GALK2: variants seen among roughly 807,000 people sequenced by gnomAD.
GALK2 encodes galactokinase 2.
GALK2 carries 36 observed loss-of-function variants against 52.4 expected under a neutral mutation model. The observed-to-expected ratio is 0.69, with a 90% CI of 0.53 to 0.91. The LOEUF (loss-of-function observed/expected upper bound fraction) is 0.91. Among genes scored for constraint, GALK2 ranks in the 40% least tolerant of loss-of-function variants. The probability of loss-of-function intolerance (pLI) is 0.00; values close to 1 mark genes in which losing one functional copy is unlikely to be tolerated. For missense variants in GALK2, 579 were observed against 559.1 expected, an observed-to-expected ratio of 1.04 and a Z score of -0.36; for synonymous variants, 176 against 199.1, an observed-to-expected ratio of 0.88 and a Z score of 0.98.
chr15:49,210,118 A>C (rs906576933), intron 2 of GALK2, among the ~76,000 whole-genome samples: 1 of 152,164 alleles, frequency 6.6e-6, no homozygotes, highest in Non-Finnish European at 1.5e-5. Context: ...ATTTGTTGGC[A>C]TAATAGTTGT....
chr15:49,212,393 G>A (rs1168594709), intron 2 of GALK2, among the ~76,000 whole-genome samples: 2 of 152,134 alleles, frequency 1.3e-5, no homozygotes, highest in Non-Finnish European at 2.9e-5. Flanking sequence ...AGTGCACCTG[G>A]CCTCTTTTTT....
At chr15:49,312,723 T>A (rs2036095391) in intron 8 of GALK2, among the ~76,000 whole-genome samples, 1 of 152,222 alleles carries the variant, frequency 6.6e-6, no homozygotes, top group Admixed American at 6.5e-5. Context: ...TAGTGGACCC[T>A]CAACAATGTG....
chr15:49,191,654 A>C (rs1003832160), intron 1 of GALK2, among the ~76,000 whole-genome samples: 1 of 152,194 alleles, frequency 6.6e-6, no homozygotes, highest in Non-Finnish European at 1.5e-5. Context: ...GTTAACCTAA[A>C]TCACTTAAGG....
At chr15:49,338,612 G>A (rs1047378632) in intron 3 of GALK2, among the ~76,000 whole-genome samples, 2 of 152,110 alleles carry the variant, frequency 1.3e-5, no homozygotes, top group African/African-American at 4.8e-5. Flanking sequence ...TCTTGGGGTT[G>A]CTCTTTTTGA....
In GALK2 at chr15:49,205,121, C is replaced by T. The variant is rs370297200; in HGVS notation, c.142+3871C>T. ...GATTGATGGGCATTTGGGTTGGTTC[C>T]GCGATTGGGTTGGTTCCATAATACC... On this transcript the variant is annotated intron_variant, in intron 2 of 9. Transcript: ENST00000560031. Among the ~76,000 whole-genome samples, 5 of 152,200 alleles carry T rather than the reference C, an allele frequency of 3.3e-5. No individual in the cohort carries two copies. In the East Asian group the frequency reaches 5.8e-4, roughly 18 times the overall value.
intron 6 of GALK2, among the ~76,000 whole-genome samples, 196 bp from the exon 7 acceptor site, chr15:49,283,370 C>G (rs1390056199): frequency 6.6e-6 from 1 of 152,182 alleles, no homozygotes; most frequent in East Asian, 1.9e-4. Flanking sequence ...ATTGCGGGCT[C>G]TATGAGAGGA....
intron 3 of GALK2, among the ~76,000 whole-genome samples, chr15:49,229,269 G>C (rs959130025): frequency 2.6e-5 from 4 of 152,172 alleles, no homozygotes; most frequent in African/African-American, 9.7e-5. Flanking sequence ...CAGTGACTTA[G>C]GATATGGTTG....
intron 1 of GALK2, among the ~76,000 whole-genome samples, chr15:49,192,485 G>GTGTGTATATA (rs1360198549): frequency 8.7e-5 from 9 of 102,976 alleles, no homozygotes; most frequent in African/African-American, 2.4e-4. Flanking sequence ...ATATATATAT[G>GTGTGTATATA]TATATATATA....
chr15:49,192,494 T>TGTATATATATAC lies in GALK2; in HGVS notation c.54-8668_54-8667insGTATATATATAC, dbSNP rs1555400564. Among the ~76,000 whole-genome samples, 19 of 27,696 alleles carry TGTATATATATAC rather than the reference T, an allele frequency of 6.9e-4. No individual in the cohort carries two copies. The East Asian group carries it at 0.028, about 41-fold the overall frequency. 18.2% of individuals were successfully genotyped at this position (27,696 alleles called of 152,430 possible). Reference sequence around the variant, plus strand: ...AATATTATATATATATGTATATATATATATATATATATATATATATATATA... The same window carrying TGTATATATATAC: ...AATATTATATATATATGTATATATATGTATATATATACATATATATATATATATATATATATA... On this transcript the variant is annotated intron_variant, in intron 1 of 9. Coordinates refer to ENST00000560031, the MANE Select transcript of GALK2 (RefSeq NM_002044.4).
chr15:49,316,971 T>C (rs1567055633), intron 8 of GALK2, among the ~76,000 whole-genome samples: 1 of 152,036 alleles, frequency 6.6e-6, no homozygotes, highest in South Asian at 2.1e-4. Context: ...TTGGGGCTGA[T>C]AGTAGGGTGG....
At position 49,331,541 on chromosome 15, in the gene GALK2, AG is replaced by A; in HGVS notation, c.*3383del. 1 of 435,114 alleles carries A rather than the reference AG, an allele frequency of 2.3e-6. No homozygotes were observed. Among genetic ancestry groups the A allele is most frequent in the Non-Finnish European group, 4.1e-6 (1 of 245,888 alleles). The allele number at this position is 435,114 out of a possible 1,614,324, so 27.0% of individuals were successfully genotyped here. ...ATTCTAACTGCATTTGGAGCTTTTC[AG>A]TTACATAAACTGTTCCTGGTCAGAA... is the stretch of plus-strand genomic sequence containing the variant. On this transcript the variant is annotated 3_prime_UTR_variant, in exon 10 of 10. Coordinates refer to ENST00000560031, the MANE Select transcript of GALK2 (RefSeq NM_002044.4).
chr15:49,232,333 G>A (rs948621514), intron 3 of GALK2, among the ~76,000 whole-genome samples: 1 of 152,198 alleles, frequency 6.6e-6, no homozygotes, highest in Non-Finnish European at 1.5e-5. Flanking sequence ...GCAGTGTCTT[G>A]AGCCTGTGCA....
At chr15:49,160,089 C>T (rs892149367) in intron 1 of GALK2, among the ~76,000 whole-genome samples, 4 of 151,980 alleles carry the variant, frequency 2.6e-5, no homozygotes, top group Admixed American at 1.3e-4. Flanking sequence ...GCCTGGCCAA[C>T]ATGGAGAAAT....
At chr15:49,286,076 C>A (rs560688353) in intron 7 of GALK2, among the ~76,000 whole-genome samples, 2 of 152,298 alleles carry the variant, frequency 1.3e-5, no homozygotes, top group African/African-American at 4.8e-5. Context: ...AGGAAGCCTT[C>A]CCTGACTTCC....
chr15:49,167,547 T>C (rs968501720), upstream of GALK2, among the ~76,000 whole-genome samples: 1 of 152,120 alleles, frequency 6.6e-6, no homozygotes, highest in African/African-American at 2.4e-5. Flanking sequence ...TTAGTAGAGA[T>C]GGGGTTTCAC....
chr15:49,176,115 G>A (rs1323880637), intron 1 of GALK2, among the ~76,000 whole-genome samples: 2 of 152,194 alleles, frequency 1.3e-5, no homozygotes, highest in Admixed American at 1.3e-4. Flanking sequence ...GATTTATCAG[G>A]CCCAGAGAGA....
At chr15:49,284,919 C>G (rs919587719) in intron 7 of GALK2, among the ~76,000 whole-genome samples, 7 of 152,178 alleles carry the variant, frequency 4.6e-5, no homozygotes, top group African/African-American at 1.7e-4. Context: ...TAAATCCTTT[C>G]TATCAGACTC....
chr15:49,260,100 A>G (rs1006708531), intron 5 of GALK2, among the ~76,000 whole-genome samples: 9 of 152,032 alleles, frequency 5.9e-5, no homozygotes, highest in African/African-American at 2.2e-4. Flanking sequence ...ATACCCAGTA[A>G]TGGGATGGCT....
At chr15:49,214,927 A>G (rs1326693209) in intron 2 of GALK2, among the ~76,000 whole-genome samples, 2 of 139,574 alleles carry the variant, frequency 1.4e-5, no homozygotes, top group East Asian at 4.7e-4. Context: ...TGTTGTTGAA[A>G]CCCCTCAGCT....
Sources: allele counts gnomAD v4.1 joint callset (sites outside exome capture counted in the v4.1 genomes callset), GRCh38; gene constraint gnomAD v4.1.1; transcripts MANE v1.5; gene names NCBI Gene and HGNC (gene_info 2026-07-23, HGNC 2026-07-21).